The following PDE10A variants were observed in gnomAD, a reference collection of about 807,000 sequenced individuals.
PDE10A encodes phosphodiesterase 10A.
Under a neutral mutation model 97.7 loss-of-function variants are expected in PDE10A, and 39 were observed. That is an observed-to-expected ratio of 0.40 (90% CI 0.31 to 0.52). PDE10A has a LOEUF of 0.52. Ranked by LOEUF, PDE10A falls within the 20% of genes least tolerant of loss-of-function variation. The pLI, the probability that PDE10A is intolerant of heterozygous loss-of-function variation, is 0.56. For missense variants in PDE10A, 731 were observed against 1,047.8 expected (o/e 0.70, Z 4.17); for synonymous variants, 371 against 376.8 (o/e 0.98, Z 0.18).
intron 1 of PDE10A, among the ~76,000 whole-genome samples, chr6:165,839,702 T>G (rs1780162522): frequency 2.1e-5 from 1 of 46,858 alleles, no homozygotes; most frequent in Non-Finnish European, 4.7e-5. Flanking sequence ...CATCCCCATC[T>G]CTATCTTCAT....
chr6:165,351,292 C>T (rs1217042841), intron 18 of PDE10A, among the ~76,000 whole-genome samples: 1 of 152,004 alleles, frequency 6.6e-6, no homozygotes, highest in African/African-American at 2.4e-5. Context: ...CTAATGACAT[C>T]ATAGTAAATG....
intron 1 of PDE10A, among the ~76,000 whole-genome samples, chr6:165,909,425 A>G (rs1355033454): frequency 6.6e-6 from 1 of 152,214 alleles, no homozygotes; most frequent in Non-Finnish European, 1.5e-5. Context: ...TTGGACTCGG[A>G]CACCGTAGCT....
Position 165,327,628 on chromosome 6 carries a change from C to G in PDE10A, c.*5397G>C, listed in dbSNP as rs959453743. ...TACATGAAAAAATTACACACATGTA[C>G]AATATTTATAATTTATAAATGCAAA... On this transcript the variant is annotated 3_prime_UTR_variant, in exon 22 of 22. Transcript: ENST00000539869. The G allele has an allele frequency of 1.3e-5, 2 of 152,142 alleles. No individual in the cohort carries two copies. Among genetic ancestry groups the G allele is most frequent in the Admixed American group, 1.3e-4 (2 of 15,274 alleles). The allele number at this position is 152,142 out of a possible 1,614,324, so 9.4% of individuals were successfully genotyped here. A position where few individuals can be genotyped will look rare whatever the true frequency, so the allele number is the denominator to read the frequency against.
intron 9 of PDE10A, among the ~76,000 whole-genome samples, chr6:165,429,449 T>G: frequency 6.6e-6 from 1 of 152,122 alleles, no homozygotes; most frequent in East Asian, 1.9e-4. Flanking sequence ...TTCTTTAATT[T>G]TATTATTTCA....
At chr6:165,765,886 T>C (rs1419621067) in intron 1 of PDE10A, among the ~76,000 whole-genome samples, 2 of 152,264 alleles carry the variant, frequency 1.3e-5, no homozygotes, top group Non-Finnish European at 2.9e-5. Flanking sequence ...GTAGGCTTTG[T>C]CATATTCCAT....
At chr6:165,367,557 A>G (rs184934874) in intron 18 of PDE10A, among the ~76,000 whole-genome samples, 188 of 152,192 alleles carry the variant, frequency 1.2e-3, no homozygotes, top group Admixed American at 2.3e-3. Context: ...CAGACCCAGA[A>G]ACCTCAGAAG....
At chr6:165,822,897 C>T (rs549088544) in intron 1 of PDE10A, among the ~76,000 whole-genome samples, 2 of 152,048 alleles carry the variant, frequency 1.3e-5, no homozygotes, top group East Asian at 1.9e-4. Context: ...GGCAGTGGCG[C>T]GATCTCAGCT....
chr6:165,451,838 GAAGAGAATC>G (rs1050165936), intron 3 of PDE10A, among the ~76,000 whole-genome samples: 3 of 152,174 alleles, frequency 2.0e-5, no homozygotes, highest in Non-Finnish European at 4.4e-5. Context: ...ATTCTAGTTG[GAAGAGAATC>G]AATACGTAAA....
intron 1 of PDE10A, among the ~76,000 whole-genome samples, chr6:165,721,911 A>G (rs1415509654): frequency 6.6e-6 from 1 of 152,246 alleles, no homozygotes; most frequent in Non-Finnish European, 1.5e-5. Flanking sequence ...TCTCAGAACT[A>G]CTTATTACAG....
intron 1 of PDE10A, among the ~76,000 whole-genome samples, chr6:165,755,468 C>T (rs1357546814): frequency 6.6e-6 from 1 of 152,180 alleles, no homozygotes; most frequent in Non-Finnish European, 1.5e-5. Context: ...CCCTGTCGTT[C>T]TGTCTTCACT....
At chr6:165,528,387 A>C (rs1782576291) in intron 2 of PDE10A, among the ~76,000 whole-genome samples, 1 of 152,134 alleles carries the variant, frequency 6.6e-6, no homozygotes, top group Non-Finnish European at 1.5e-5. Context: ...GGTGGCAGGG[A>C]TGGAGGTTAC....
In PDE10A at chr6:165,663,035, CG is replaced by C. The variant is rs1444793034; in HGVS notation, c.-225del. Among the ~76,000 whole-genome samples the C allele has an allele frequency of 6.6e-6, 1 of 151,572 alleles. No homozygotes were observed. The highest frequency in any genetic ancestry group is 6.6e-5 in the Admixed American group (1 of 15,232). ...GGGCCTGGGGGCCAGGCCCCGGCGA[CG>C]GCGCCTGGCTACCCTCAGGCGCGCA... On this transcript the variant is annotated 5_prime_UTR_variant, in exon 1 of 22. Coordinates refer to ENST00000539869, the MANE Select transcript of PDE10A (RefSeq NM_001385079.1).
At chr6:165,916,467 G>A (rs1369822198) in intron 1 of PDE10A, among the ~76,000 whole-genome samples, 4 of 152,284 alleles carry the variant, frequency 2.6e-5, no homozygotes, top group Admixed American at 2.0e-4. Context: ...TTGTCATATC[G>A]TAAATGAAGG....
chr6:165,685,366 G>A (rs757053680), intron 1 of PDE10A, among the ~76,000 whole-genome samples: 1 of 151,802 alleles, frequency 6.6e-6, no homozygotes, highest in Non-Finnish European at 1.5e-5. Context: ...GCTATTAAAT[G>A]CATCCTTCTG....
At chr6:165,474,876 C>CGAGAAAAA (rs1398886649) in intron 3 of PDE10A, among the ~76,000 whole-genome samples, 3 of 151,880 alleles carry the variant, frequency 2.0e-5, no homozygotes, top group Admixed American at 2.0e-4. Flanking sequence ...ACATTGAGAT[C>CGAGAAAAA]GAGAAAAAGA....
At chr6:165,876,727 G>A (rs527453348) in intron 1 of PDE10A, among the ~76,000 whole-genome samples, 2 of 152,276 alleles carry the variant, frequency 1.3e-5, no homozygotes, top group South Asian at 2.1e-4. Flanking sequence ...GCCTCCGTGC[G>A]TCACGGAGCA....
intron 18 of PDE10A, among the ~76,000 whole-genome samples, chr6:165,350,954 A>G (rs1471085726): frequency 1.3e-5 from 2 of 152,344 alleles, no homozygotes; most frequent in East Asian, 1.9e-4. Context: ...TAAATTACTC[A>G]GTCTCGGCTA....
chr6:165,382,808 A>C (rs899239723), intron 17 of PDE10A, among the ~76,000 whole-genome samples: 1 of 152,214 alleles, frequency 6.6e-6, no homozygotes, highest in Non-Finnish European at 1.5e-5. Context: ...AAGGAAAGAC[A>C]GATGAAAAAA....
intron 2 of PDE10A, among the ~76,000 whole-genome samples, chr6:165,508,663 A>G (rs1422038148): frequency 6.6e-6 from 1 of 151,950 alleles, no homozygotes; most frequent in Non-Finnish European, 1.5e-5. Context: ...ACGTTTGAAA[A>G]GTCCAGGGCC....
Sources: allele counts gnomAD v4.1 joint callset (sites outside exome capture counted in the v4.1 genomes callset), GRCh38; gene constraint gnomAD v4.1.1; transcripts MANE v1.5; gene names NCBI Gene and HGNC (gene_info 2026-07-23, HGNC 2026-07-21).